The following FUT9 variants were observed in gnomAD, a reference collection of about 807,000 sequenced individuals.
The protein encoded by FUT9 is 4-galactosyl-N-acetylglucosaminide 3-alpha-L-fucosyltransferase 9.
In FUT9, 15 loss-of-function variants were observed where a neutral mutation model predicts 29.7. The ratio of observed to expected loss-of-function variants is 0.51; its 90% CI spans 0.34 to 0.78. The LOEUF is 0.78. Ranked by LOEUF, FUT9 falls within the 30% of genes least tolerant of loss-of-function variation. The probability of loss-of-function intolerance (pLI) is 0.01; values close to 1 mark genes in which losing one functional copy is unlikely to be tolerated. For synonymous variants in FUT9, 169 were observed against 153.7 expected (o/e 1.10, Z -0.74); for missense variants, 319 against 425.4 (o/e 0.75, Z 2.20).
At chr6:96,185,929 A>C (rs949673617) in intron 2 of FUT9, among the ~76,000 whole-genome samples, 1 of 152,092 alleles carries the variant, frequency 6.6e-6, no homozygotes, top group Non-Finnish European at 1.5e-5. Flanking sequence ...GGAGCCAAAA[A>C]ATTTCCCGAT....
chr6:96,175,176 T>C (rs974817883), intron 2 of FUT9, among the ~76,000 whole-genome samples: 10 of 152,134 alleles, frequency 6.6e-5, no homozygotes. Flanking sequence ...AAGGAATATC[T>C]TGTGGCTCCC....
intron 2 of FUT9, among the ~76,000 whole-genome samples, chr6:96,175,800 A>G (rs575926065): frequency 6.6e-6 from 1 of 152,340 alleles, no homozygotes; most frequent in East Asian, 1.9e-4. Context: ...TTAATTTTAG[A>G]TGTCAACTTA....
chr6:96,190,478 C>G (rs1773484745), intron 2 of FUT9, among the ~76,000 whole-genome samples: 1 of 152,166 alleles, frequency 6.6e-6, no homozygotes, highest in Non-Finnish European at 1.5e-5. Flanking sequence ...GGGAAGTTCT[C>G]CTGGATAATA....
chr6:96,122,892 A>C (rs1378054242), intron 2 of FUT9, among the ~76,000 whole-genome samples: 1 of 151,760 alleles, frequency 6.6e-6, no homozygotes, highest in Admixed American at 6.6e-5. Context: ...TAAAAATACA[A>C]AAAAATAGCT....
At chr6:96,140,166 C>T (rs1390273902) in intron 2 of FUT9, among the ~76,000 whole-genome samples, 1 of 152,194 alleles carries the variant, frequency 6.6e-6, no homozygotes, top group African/African-American at 2.4e-5. Flanking sequence ...AGTATCTTTG[C>T]ATAGCAAGAA....
intron 1 of FUT9, among the ~76,000 whole-genome samples, chr6:96,102,792 T>C (rs779559165): frequency 6.6e-6 from 1 of 152,208 alleles, no homozygotes; most frequent in African/African-American, 2.4e-5. Context: ...TTGCGTGTTT[T>C]ACCCCTGTAT....
chr6:96,017,627 T>C (rs1406228555), intron 1 of FUT9, among the ~76,000 whole-genome samples: 2 of 152,204 alleles, frequency 1.3e-5, no homozygotes, highest in Non-Finnish European at 2.9e-5. Flanking sequence ...TTGTACTCCA[T>C]GGAACCCTTG....
At position 96,212,592 on chromosome 6, in the gene FUT9, A is replaced by T; in HGVS notation, c.*8357A>T. ...AAGGGAGTAATTGTGACAATATAAAATGGCATTGTTATAGAATCCCTAAAA... is the reference window on the plus strand; with the variant it reads ...AAGGGAGTAATTGTGACAATATAAATTGGCATTGTTATAGAATCCCTAAAA... On this transcript the variant is annotated 3_prime_UTR_variant, in exon 3 of 3. Coordinates refer to ENST00000302103, the MANE Select transcript of FUT9 (RefSeq NM_006581.4). 2.7e-6 allele frequency: 1 copy of T among 369,382 alleles called. No homozygotes were observed. The allele number at this position is 369,382 out of a possible 1,614,324, so 22.9% of individuals were successfully genotyped here. A position where few individuals can be genotyped will look rare whatever the true frequency, so the allele number is the denominator to read the frequency against.
intron 1 of FUT9, among the ~76,000 whole-genome samples, chr6:96,078,900 C>A (rs914029911): frequency 6.6e-6 from 1 of 152,068 alleles, no homozygotes; most frequent in African/African-American, 2.4e-5. Flanking sequence ...AATATTTAGG[C>A]TTTTGCTTCT....
chr6:96,147,654 C>T (rs994130244), intron 2 of FUT9, among the ~76,000 whole-genome samples: 1 of 151,900 alleles, frequency 6.6e-6, no homozygotes, highest in Non-Finnish European at 1.5e-5. Flanking sequence ...GCAATGTGAA[C>T]ATTTGCCACT....
At chr6:96,162,576 G>GT (rs1209483877) in intron 2 of FUT9, among the ~76,000 whole-genome samples, 3 of 152,136 alleles carry the variant, frequency 2.0e-5, no homozygotes, top group East Asian at 1.9e-4. Context: ...CAGAAGGAGT[G>GT]TATCAGTTGA....
rs1773941700 is a variant in FUT9, at chr6:96,211,765, A to G, written c.*7530A>G. 4.8e-6 allele frequency: 1 copy of G among 210,094 alleles called. No homozygotes were observed. Among genetic ancestry groups the G allele is most frequent in the Admixed American group, 6.0e-5 (1 of 16,558 alleles). 13.0% of individuals were successfully genotyped at this position (210,094 alleles called of 1,614,324 possible). On this transcript the variant is annotated 3_prime_UTR_variant, in exon 3 of 3. Coordinates refer to ENST00000302103, the MANE Select transcript of FUT9 (RefSeq NM_006581.4). ...GAAAATTTCTATTTTTCTATATGAA[A>G]AAGAGAATGATATTCAAAATAGTAT... is the stretch of plus-strand genomic sequence containing the variant.
At chr6:96,085,915 T>G (rs1771309263) in intron 1 of FUT9, among the ~76,000 whole-genome samples, 1 of 152,200 alleles carries the variant, frequency 6.6e-6, no homozygotes, top group African/African-American at 2.4e-5. Context: ...AACATTGTTA[T>G]GTTTATTGGT....
At chr6:96,075,952 C>T (rs966223221) in intron 1 of FUT9, among the ~76,000 whole-genome samples, 2 of 152,002 alleles carry the variant, frequency 1.3e-5, no homozygotes, top group Non-Finnish European at 2.9e-5. Flanking sequence ...TTTGTTCTTC[C>T]ACCTCTTAAA....
intron 1 of FUT9, among the ~76,000 whole-genome samples, chr6:96,022,332 A>G (rs1013014642): frequency 6.6e-6 from 1 of 152,052 alleles, no homozygotes; most frequent in Non-Finnish European, 1.5e-5. Context: ...AAGGCAGTCA[A>G]TCCAACTTGT....
chr6:96,168,521 C>T (rs1414825073), intron 2 of FUT9, among the ~76,000 whole-genome samples: 1 of 151,972 alleles, frequency 6.6e-6, no homozygotes, highest in Non-Finnish European at 1.5e-5. Context: ...AAACACCATT[C>T]GTAAGTAAAG....
chr6:96,130,154 TTA>T (rs1772214914), intron 2 of FUT9, among the ~76,000 whole-genome samples: 1 of 152,076 alleles, frequency 6.6e-6, no homozygotes, highest in African/African-American at 2.4e-5. Context: ...AAAGTACTTT[TTA>T]CTTGACAAGT....
chr6:96,102,871 T>A (rs1267488785), intron 1 of FUT9, among the ~76,000 whole-genome samples: 2 of 152,180 alleles, frequency 1.3e-5, no homozygotes, highest in Non-Finnish European at 2.9e-5. Context: ...TTTCCTCTCA[T>A]GCATCATGCT....
At chr6:96,038,778 C>G (rs1770405667) in intron 1 of FUT9, among the ~76,000 whole-genome samples, 1 of 152,100 alleles carries the variant, frequency 6.6e-6, no homozygotes, top group African/African-American at 2.4e-5. Flanking sequence ...TGTCACAAAT[C>G]TCATTTTTCA....
Sources: allele counts gnomAD v4.1 joint callset (sites outside exome capture counted in the v4.1 genomes callset), GRCh38; gene constraint gnomAD v4.1.1; transcripts MANE v1.5; gene names NCBI Gene and HGNC (gene_info 2026-07-23, HGNC 2026-07-21).